Variants in TNFAIP8 observed in about 807,000 individuals in gnomAD.
TNFAIP8 encodes TNF alpha induced protein 8.
In TNFAIP8, 7 loss-of-function variants were observed where a neutral mutation model predicts 13.3. The observed-to-expected ratio is 0.52, with a 90% CI of 0.30 to 0.99. The LOEUF is 0.99. Ranked by LOEUF, TNFAIP8 falls within the 50% of genes least tolerant of loss-of-function variation. TNFAIP8 has a pLI of 0.07. For synonymous variants in TNFAIP8, 94 were observed against 87.6 expected, an observed-to-expected ratio of 1.07 and a Z score of -0.41; for missense variants, 258 against 236.9, an observed-to-expected ratio of 1.09 and a Z score of -0.58.
At position 119,333,135 on chromosome 5, in the gene TNFAIP8, T is replaced by C. The variant is rs139438024; in HGVS notation, c.2-59681T>C. 265 of 934,424 alleles carry C rather than the reference T, an allele frequency of 2.8e-4. No homozygotes were observed. The African/African-American group carries it at 4.3e-3, about 15-fold the overall frequency. The allele number at this position is 934,424 out of a possible 1,614,324, so 57.9% of individuals were successfully genotyped here. ...TTTTTTTCTAAGTATCTGTTTCTAT[T>C]TTCTAGCATGTTGAAACGTTAGACT... On this transcript the variant is annotated intron_variant, in intron 1 of 1. Coordinates refer to the TNFAIP8 transcript ENST00000274456.
chr5:119,270,976 G>T (rs1209719408), intron 1 of TNFAIP8, among the ~76,000 whole-genome samples: 1 of 152,216 alleles, frequency 6.6e-6, no homozygotes. Flanking sequence ...ACCAAGAAAA[G>T]TTGGTGTGAG....
chr5:119,305,284 G>T (rs1749517051), intron 1 of TNFAIP8, among the ~76,000 whole-genome samples: 1 of 152,178 alleles, frequency 6.6e-6, no homozygotes, highest in Non-Finnish European at 1.5e-5. Context: ...AATTGAATAT[G>T]TTGGGAAAGA....
At position 119,367,301 on chromosome 5, in the gene TNFAIP8, T is replaced by C. The variant is rs150399129; in HGVS notation, c.31+11180T>C. On this transcript the variant is annotated intron_variant, in intron 1 of 1. Transcript: ENST00000504771. ...CAAAGAAAGGAATAATTTGATTTTT[T>C]TGTTGCTGTTGTTTAGTTATTTGAG... Among the ~76,000 whole-genome samples, 766 of 127,398 alleles carry C rather than the reference T, an allele frequency of 6.0e-3. 7 individuals carry two copies. Among genetic ancestry groups the C allele is most frequent in the African/African-American group, 0.02 (747 of 37,094 alleles). 83.6% of individuals were successfully genotyped at this position (127,398 alleles called of 152,430 possible).
chr5:119,365,827 A>G (rs1249100029), intron 1 of TNFAIP8, among the ~76,000 whole-genome samples: 2 of 152,230 alleles, frequency 1.3e-5, no homozygotes, highest in Non-Finnish European at 1.5e-5. Context: ...TCTTCAGAAG[A>G]AAAGAGAATT....
chr5:119,387,821 A>G (rs986704331), intron 1 of TNFAIP8, among the ~76,000 whole-genome samples: 3 of 152,226 alleles, frequency 2.0e-5, no homozygotes, highest in Non-Finnish European at 2.9e-5. Context: ...AATAACATTT[A>G]CACCCTATTT....
At chr5:119,268,855 A>C in exon 1 of TNFAIP8, 1 of 696,926 alleles carries the variant, frequency 1.4e-6, no homozygotes, top group Non-Finnish European at 2.6e-6. Context: ...CGGCGCCGCC[A>C]AACAGCCCAG....
intron 1 of TNFAIP8, among the ~76,000 whole-genome samples, chr5:119,291,006 G>A (rs1294166673): frequency 6.6e-6 from 1 of 152,134 alleles, no homozygotes; most frequent in Non-Finnish European, 1.5e-5. Context: ...TTTTGAGCAG[G>A]CAACTGACAT....
chr5:119,349,643 T>C (rs1228698927), intron 1 of TNFAIP8, among the ~76,000 whole-genome samples: 1 of 152,240 alleles, frequency 6.6e-6, no homozygotes, highest in African/African-American at 2.4e-5. Flanking sequence ...TTAAGGTCCT[T>C]ACTGAACTTT....
At chr5:119,310,405 G>A (rs1001662333) in intron 1 of TNFAIP8, among the ~76,000 whole-genome samples, 3 of 152,180 alleles carry the variant, frequency 2.0e-5, no homozygotes, top group African/African-American at 4.8e-5. Flanking sequence ...GCCAAAGGCT[G>A]TAGGCCAAGG....
chr5:119,387,481 A>T (rs1752725423), intron 1 of TNFAIP8, among the ~76,000 whole-genome samples: 4 of 152,184 alleles, frequency 2.6e-5, no homozygotes, highest in African/African-American at 4.8e-5. Context: ...GAGGGGAAAA[A>T]ATTATGTATT....
In TNFAIP8 at chr5:119,399,432, A is replaced by G. The variant is rs1240254379; in HGVS notation, c.*6051A>G. The G allele has an allele frequency of 6.6e-6, 1 of 152,208 alleles. No individual in the cohort carries two copies. Among genetic ancestry groups the G allele is most frequent in the African/African-American group, 2.4e-5 (1 of 41,444 alleles). 9.4% of individuals were successfully genotyped at this position (152,208 alleles called of 1,614,324 possible). A position where few individuals can be genotyped will look rare whatever the true frequency, so the allele number is the denominator to read the frequency against. ...CTGAGACCTCCTGAAGGCTATTCCTATGTGAGGTATTGTTTACGGGTGGCC... is the reference window on the plus strand; with the variant it reads ...CTGAGACCTCCTGAAGGCTATTCCTGTGTGAGGTATTGTTTACGGGTGGCC... On this transcript the variant is annotated 3_prime_UTR_variant, in exon 2 of 2. Transcript: ENST00000504771.
intron 1 of TNFAIP8, among the ~76,000 whole-genome samples, chr5:119,317,175 A>G (rs1383577349): frequency 6.6e-6 from 1 of 151,928 alleles, no homozygotes; most frequent in African/African-American, 2.4e-5. Flanking sequence ...TGGCTGGTGC[A>G]CCTCCTGGTT....
intron 1 of TNFAIP8, among the ~76,000 whole-genome samples, chr5:119,304,127 A>G (rs1749480891): frequency 6.6e-6 from 1 of 151,468 alleles, no homozygotes; most frequent in Non-Finnish European, 1.5e-5. Flanking sequence ...TTTAATTTTT[A>G]TTTTTTGTAG....
chr5:119,315,776 T>G (rs911922666), intron 1 of TNFAIP8, among the ~76,000 whole-genome samples: 2 of 152,190 alleles, frequency 1.3e-5, no homozygotes, highest in African/African-American at 4.8e-5. Context: ...GTCGTCTATC[T>G]GAAGATGAAC....
intron 1 of TNFAIP8, among the ~76,000 whole-genome samples, chr5:119,289,222 T>C (rs1266387317): frequency 2.0e-5 from 3 of 152,368 alleles, no homozygotes; most frequent in South Asian, 4.1e-4. Context: ...GGGATACTTA[T>C]CAGACTTGTG....
At position 119,299,080 on chromosome 5, in the gene TNFAIP8, A is replaced by T. The variant is rs191998906; in HGVS notation, c.1+30173A>T. On this transcript the variant is annotated intron_variant, in intron 1 of 1. Coordinates refer to the TNFAIP8 transcript ENST00000274456. ...TCCTCCTGTAGCTCAGAGGAGTTTG[A>T]TGGTCTGAAGCTTTCTTCTCTCAAC... Among the ~76,000 whole-genome samples the T allele has an allele frequency of 4.7e-4, 72 of 152,164 alleles. 1 individual carries two copies. The highest frequency in any genetic ancestry group is 6.9e-4 in the Non-Finnish European group (47 of 67,978).
intron 1 of TNFAIP8, among the ~76,000 whole-genome samples, chr5:119,364,654 C>A (rs960309620): frequency 6.6e-6 from 1 of 151,416 alleles, no homozygotes. Context: ...AGTTATCACT[C>A]TTATCATTTA....
intron 1 of TNFAIP8, among the ~76,000 whole-genome samples, chr5:119,275,664 T>A (rs1486070691): frequency 6.6e-6 from 1 of 152,196 alleles, no homozygotes; most frequent in Non-Finnish European, 1.5e-5. Context: ...TCCTCCTGCT[T>A]CTTTTGCATT....
chr5:119,307,440 G>C (rs1257300806), intron 1 of TNFAIP8, among the ~76,000 whole-genome samples: 1 of 152,086 alleles, frequency 6.6e-6, no homozygotes, highest in African/African-American at 2.4e-5. Context: ...AAAATCTTTT[G>C]CTAGCTTCTG....
Sources: allele counts gnomAD v4.1 joint callset (sites outside exome capture counted in the v4.1 genomes callset), GRCh38; gene constraint gnomAD v4.1.1; transcripts MANE v1.5; gene names NCBI Gene and HGNC (gene_info 2026-07-23, HGNC 2026-07-21).